The following NIPSNAP1 variants were observed in gnomAD, a reference collection of about 807,000 sequenced individuals.
The protein encoded by NIPSNAP1 is protein NipSnap homolog 1.
NIPSNAP1 carries 25 observed loss-of-function variants against 49.2 expected under a neutral mutation model. The ratio of observed to expected loss-of-function variants is 0.51; its 90% CI spans 0.37 to 0.71. The LOEUF (loss-of-function observed/expected upper bound fraction) is 0.71, where lower values mean the gene tolerates loss of function less well. Ranked by LOEUF, NIPSNAP1 falls within the 30% of genes least tolerant of loss-of-function variation. NIPSNAP1 has a pLI of 0.00. For missense variants in NIPSNAP1, 294 were observed against 361.0 expected (o/e 0.81, Z 1.50); for synonymous variants, 143 against 140.7 (o/e 1.02, Z -0.12).
In NIPSNAP1 at chr22:29,570,213, A is replaced by G. The variant is rs373126705; in HGVS notation, c.227-6T>C. 1 of 1,613,958 alleles carries G rather than the reference A, an allele frequency of 6.2e-7. No homozygotes were observed. The highest frequency in any genetic ancestry group is 1.6e-4 in the Middle Eastern group (1 of 6,062). On this transcript the variant is annotated splice_polypyrimidine_tract_variant and splice_region_variant and intron_variant, in intron 2 of 9. Coordinates refer to ENST00000216121, the MANE Select transcript of NIPSNAP1 (RefSeq NM_003634.4). ...TTCAGGCTTTACATTGTGAACTGCA[A>G]CAGAGGACAGAGAACAAGAAGTGAG...
At chr22:29,567,059 T>A (rs975633263) in intron 4 of NIPSNAP1, among the ~76,000 whole-genome samples, 2 of 151,504 alleles carry the variant, frequency 1.3e-5, no homozygotes, top group African/African-American at 4.9e-5. Flanking sequence ...GAGGCAGAGG[T>A]TGCAGTGAGC....
At chr22:29,561,026 G>T in intron 7 of NIPSNAP1, 145 bp downstream of exon 7, 3 of 915,616 alleles carry the variant, frequency 3.3e-6, no homozygotes, top group Non-Finnish European at 5.2e-6. Context: ...CCTCCTGGCT[G>T]GATCCTTCTC....
intron 1 of NIPSNAP1, among the ~76,000 whole-genome samples, chr22:29,578,008 C>G (rs1181004708): frequency 6.6e-6 from 1 of 150,662 alleles, no homozygotes; most frequent in East Asian, 1.9e-4. Context: ...AAGCGATTCT[C>G]CTGCCTCAGC....
intron 1 of NIPSNAP1, chr22:29,580,164 A>G (rs1177884439): frequency 1.4e-5 from 18 of 1,304,156 alleles, no homozygotes; most frequent in Non-Finnish European, 1.8e-5. Context: ...GGCTGGGGAA[A>G]CAGAGAAAAA....
At chr22:29,559,803 A>G (rs2064320966) in intron 8 of NIPSNAP1, among the ~76,000 whole-genome samples, 1 of 152,146 alleles carries the variant, frequency 6.6e-6, no homozygotes, top group Non-Finnish European at 1.5e-5. Context: ...TGCCTGAACT[A>G]GAGTAATGGC....
rs563572899 is a variant in NIPSNAP1, at chr22:29,559,025, C to A, written c.707-72G>T. 2.2e-4 allele frequency: 235 copies of A among 1,070,004 alleles called. 1 individual carries two copies. The highest frequency in any genetic ancestry group is 1.9e-3 in the Admixed American group (114 of 59,252). 66.3% of individuals were successfully genotyped at this position (1,070,004 alleles called of 1,614,324 possible). A position where few individuals can be genotyped will look rare whatever the true frequency, so the allele number is the denominator to read the frequency against. On this transcript the variant is annotated intron_variant, in intron 8 of 9. Transcript: ENST00000216121. Reference sequence around the variant, plus strand: ...CCCTTACCCAGCACAGGGCCCTCTTCCCACTGTCCCCTAAACCCTGCACTG... The same window carrying A: ...CCCTTACCCAGCACAGGGCCCTCTTACCACTGTCCCCTAAACCCTGCACTG...
chr22:29,559,925 G>T (rs2064321932), intron 8 of NIPSNAP1, among the ~76,000 whole-genome samples: 1 of 152,150 alleles, frequency 6.6e-6, no homozygotes, highest in Non-Finnish European at 1.5e-5. Context: ...ACTGCTATTT[G>T]AAACAAATAG....
chr22:29,557,121 G>GT (rs898111997), intron 9 of NIPSNAP1, among the ~76,000 whole-genome samples: 2 of 150,794 alleles, frequency 1.3e-5, no homozygotes, highest in African/African-American at 2.4e-5. Context: ...GATTTTTTTT[G>GT]TTTTTTGTTT....
chr22:29,580,972 G>C lies in NIPSNAP1; in HGVS notation c.98+13C>G, dbSNP rs1478128449. On this transcript the variant is annotated intron_variant, in intron 1 of 9. Transcript: ENST00000216121. ...CCCCGCGCGCGTCTATCCCTGCCTG[G>C]CCGGGCTCTCACCGCGCCGCAGCTG... The C allele has an allele frequency of 6.5e-7, 1 of 1,527,470 alleles. No homozygotes were observed. The highest frequency in any genetic ancestry group is 1.2e-5 in the South Asian group (1 of 83,320). 94.6% of individuals were successfully genotyped at this position (1,527,470 alleles called of 1,614,324 possible).
intron 1 of NIPSNAP1, among the ~76,000 whole-genome samples, chr22:29,577,505 C>T (rs926505881): frequency 2.0e-5 from 3 of 150,970 alleles, no homozygotes; most frequent in Admixed American, 6.6e-5. Flanking sequence ...CTGCAACCTC[C>T]GCCCCCTGGG....
At chr22:29,565,025 AAAAC>A (rs985321427) in intron 4 of NIPSNAP1, among the ~76,000 whole-genome samples, 2 of 151,904 alleles carry the variant, frequency 1.3e-5, no homozygotes, top group African/African-American at 4.8e-5. Context: ...TCATCTCTAC[AAAAC>A]AAACAAACAA....
intron 1 of NIPSNAP1, among the ~76,000 whole-genome samples, chr22:29,571,411 G>A (rs1484826019): frequency 6.6e-6 from 1 of 152,216 alleles, no homozygotes; most frequent in Non-Finnish European, 1.5e-5. Context: ...TACTGAGAAT[G>A]AATGAATGAA....
chr22:29,577,193 A>C (rs953089009), intron 1 of NIPSNAP1, among the ~76,000 whole-genome samples: 1 of 150,622 alleles, frequency 6.6e-6, no homozygotes, highest in Admixed American at 6.6e-5. Context: ...GACTCAAATG[A>C]TCCTCCCACT....
At chr22:29,576,376 AAATT>A (rs2064452550) in intron 1 of NIPSNAP1, among the ~76,000 whole-genome samples, 1 of 140,724 alleles carries the variant, frequency 7.1e-6, no homozygotes, top group African/African-American at 2.7e-5. Context: ...TCTCTACTAA[AAATT>A]AAAAACAAAA....
At chr22:29,572,225 C>A (rs950350091) in intron 1 of NIPSNAP1, among the ~76,000 whole-genome samples, 15 of 149,000 alleles carry the variant, frequency 1.0e-4, no homozygotes, top group African/African-American at 3.7e-4. Flanking sequence ...ATTGCTTGAA[C>A]CTGAGAGGCA....
chr22:29,559,006 C>T, intron 8 of NIPSNAP1, 53 bp from the exon 9 acceptor site: 1 of 1,344,580 alleles, frequency 7.4e-7, no homozygotes, highest in East Asian at 2.3e-5. Context: ...GGATCCCTTA[C>T]CCAGCACAGG....
At chr22:29,557,055 T>A (rs1050910849) in intron 9 of NIPSNAP1, among the ~76,000 whole-genome samples, 1 of 152,130 alleles carries the variant, frequency 6.6e-6, no homozygotes, top group African/African-American at 2.4e-5. Flanking sequence ...AGCCGAGATT[T>A]GTCATTCTTA....
chr22:29,560,942 G>A lies in NIPSNAP1; in HGVS notation c.612-114C>T, dbSNP rs1022429839. On this transcript the variant is annotated intron_variant, in intron 7 of 9. Coordinates refer to ENST00000216121, the MANE Select transcript of NIPSNAP1 (RefSeq NM_003634.4). ...GCCTAGGTGGAACCCACGGTCCTCC[G>A]GGATGCTGAGAGAAAGGACTGATGG... 1.2e-4 allele frequency: 126 copies of A among 1,048,612 alleles called. No individual in the cohort carries two copies. The African/African-American group carries it at 1.3e-3, about 11-fold the overall frequency. The allele number at this position is 1,048,612 out of a possible 1,614,324, so 65.0% of individuals were successfully genotyped here. A position where few individuals can be genotyped will look rare whatever the true frequency, so the allele number is the denominator to read the frequency against.
At chr22:29,567,026 G>A (rs1397217581) in intron 4 of NIPSNAP1, among the ~76,000 whole-genome samples, 1 of 152,158 alleles carries the variant, frequency 6.6e-6, no homozygotes, top group East Asian at 1.9e-4. Context: ...GGAGGCTGAG[G>A]CAGGAGAATC....
Sources: gnomAD v4.1 joint callset for allele counts (sites outside exome capture counted in the v4.1 genomes callset) on GRCh38, gnomAD v4.1.1 for gene constraint, MANE v1.5 for transcripts, NCBI Gene and HGNC (gene_info 2026-07-23, HGNC 2026-07-21) for gene names.